The following IL1RAPL1 variants were observed in gnomAD, a reference collection of about 807,000 sequenced individuals.
IL1RAPL1 encodes the protein interleukin-1 receptor accessory protein-like 1.
In IL1RAPL1, 3 loss-of-function variants were observed where a neutral mutation model predicts 48.4. The observed-to-expected ratio is 0.06, with a 90% confidence interval of 0.03 to 0.16. The LOEUF (loss-of-function observed/expected upper bound fraction) is 0.16, where lower values mean the gene tolerates loss of function less well. Among genes scored for constraint, IL1RAPL1 ranks in the 10% least tolerant of loss-of-function variants. IL1RAPL1 has a pLI of 1.00. For missense variants in IL1RAPL1, 349 were observed against 530.6 expected, an observed-to-expected ratio of 0.66 and a Z score of 3.36; for synonymous variants, 185 against 187.7, an observed-to-expected ratio of 0.99 and a Z score of 0.12.
Position 29,921,747 on chromosome X carries a change from C to T in IL1RAPL1, c.1057+1653C>T, listed in dbSNP as rs149634899. Among the ~76,000 whole-genome samples, 182 of 111,798 alleles carry T rather than the reference C, an allele frequency of 1.6e-3. 1 individual carries two copies. The highest frequency in any genetic ancestry group is 5.5e-3 in the African/African-American group (171 of 30,821). On this transcript the variant is annotated intron_variant, in intron 8 of 10. Transcript: ENST00000378993. ...AAGTCCATTTTATCTTTGGAAAAAT[C>T]CGTTAGAAAGCATTTCACTTTCACT...
chrX:28,725,884 A>C (rs906638303), intron 1 of IL1RAPL1, among the ~76,000 whole-genome samples: 18 of 112,355 alleles, frequency 1.6e-4, no homozygotes, highest in Non-Finnish European at 2.3e-4. Flanking sequence ...AATCGAGACT[A>C]TTTATGCATT....
intron 8 of IL1RAPL1, among the ~76,000 whole-genome samples, chrX:29,938,830 C>G (rs1317418113): frequency 8.9e-6 from 1 of 112,240 alleles, no homozygotes; most frequent in African/African-American, 3.2e-5. Context: ...TAAATAGAAT[C>G]ATACAGTAGG....
chrX:29,907,332 A>ACTG (rs1569199898), intron 6 of IL1RAPL1, among the ~76,000 whole-genome samples: 14 of 111,359 alleles, frequency 1.3e-4, no homozygotes, highest in Non-Finnish European at 2.3e-4. Context: ...TTATAAATTT[A>ACTG]AATCTTTTAA....
At chrX:29,750,598 C>T (rs997175185) in intron 6 of IL1RAPL1, among the ~76,000 whole-genome samples, 2 of 111,791 alleles carry the variant, frequency 1.8e-5, no homozygotes, top group South Asian at 3.7e-4. Context: ...GTCAGTAGGT[C>T]TTTCCCTCCT....
At chrX:29,383,173 A>T (rs927060311) in intron 3 of IL1RAPL1, among the ~76,000 whole-genome samples, 6 of 112,061 alleles carry the variant, frequency 5.4e-5, no homozygotes, top group Non-Finnish European at 9.4e-5. Context: ...CAGGAATAAT[A>T]CCTATTGTGT....
Position 29,425,250 on chromosome X carries a change from T to G in IL1RAPL1, c.703+25942T>G, listed in dbSNP as rs141397717. Among the ~76,000 whole-genome samples the G allele has an allele frequency of 2.4e-3, 274 of 111,944 alleles. 1 individual carries two copies. The highest frequency in any genetic ancestry group is 8.5e-3 in the African/African-American group (261 of 30,833). On this transcript the variant is annotated intron_variant, in intron 5 of 10. Coordinates refer to ENST00000378993, the MANE Select transcript of IL1RAPL1 (RefSeq NM_014271.4). Reference sequence around the variant, plus strand: ...AGAAGCAGCTGGACATAGAAGAACTTAGAAAAACAGAAAGTCCAAGTTTGG... The same window carrying G: ...AGAAGCAGCTGGACATAGAAGAACTGAGAAAAACAGAAAGTCCAAGTTTGG...
chrX:28,790,678 T>C (rs1302671953), intron 2 of IL1RAPL1, among the ~76,000 whole-genome samples: 1 of 112,821 alleles, frequency 8.9e-6, no homozygotes, highest in Non-Finnish European at 1.9e-5. Context: ...TTGTTATGTC[T>C]ACACATTATT....
chrX:29,150,877 G>A (rs1187293522), intron 2 of IL1RAPL1, among the ~76,000 whole-genome samples: 3 of 103,676 alleles, frequency 2.9e-5, no homozygotes, highest in African/African-American at 1.1e-4. Flanking sequence ...AGCTGAGATC[G>A]TGCCACTGCA....
chrX:28,761,429 A>G (rs774546001), intron 1 of IL1RAPL1, among the ~76,000 whole-genome samples: 2 of 112,216 alleles, frequency 1.8e-5, no homozygotes, highest in South Asian at 3.7e-4. Context: ...GAATGAAATC[A>G]TTTCTTTACA....
rs1198210140 is a variant in IL1RAPL1 at position 29,917,489 on chromosome X, A to C, written c.804A>C (p.Arg268Ser). ...GTGACTCTGCTAATCTAACCTGCAG[A>C]GCTTTCTTTGGGTACAGCGGAGATG... ...QLGDSANLTC[R>S]AFFGYSGDVS... The change falls in exon 7 of 11, where the codon AGA (arginine) becomes AGC (serine). Residue 268 changes from arginine (R) to serine (S), a missense_variant. Arg to Ser is a moderately radical substitution (Grantham distance 110). Around this residue, in one of 3 missense-constraint regions of IL1RAPL1, gnomAD observed 238 missense variants for 337.8 expected, o/e 0.70. Coordinates refer to ENST00000378993, the MANE Select transcript of IL1RAPL1 (RefSeq NM_014271.4). 6 of 1,206,993 alleles carry C rather than the reference A, an allele frequency of 5.0e-6. No homozygotes were observed. The Admixed American group carries it at 1.3e-4, about 26-fold the overall frequency.
At chrX:29,414,399 C>G (rs1418503014) in intron 5 of IL1RAPL1, among the ~76,000 whole-genome samples, 1 of 111,773 alleles carries the variant, frequency 8.9e-6, no homozygotes, top group Admixed American at 9.6e-5. Context: ...AAATAAATGG[C>G]TGTTCTTAAT....
chrX:28,943,544 A>T (rs1317473045), intron 2 of IL1RAPL1, among the ~76,000 whole-genome samples: 6 of 104,708 alleles, frequency 5.7e-5, no homozygotes, highest in African/African-American at 1.4e-4. Context: ...GATACGTAAC[A>T]TTTTTTTTTT....
chrX:28,720,560 T>A (rs746545194), intron 1 of IL1RAPL1, among the ~76,000 whole-genome samples: 1 of 112,416 alleles, frequency 8.9e-6, no homozygotes, highest in South Asian at 3.7e-4. Context: ...AATTTCTGAT[T>A]TGAGATATTA....
intron 5 of IL1RAPL1, among the ~76,000 whole-genome samples, chrX:29,595,472 G>C (rs1240395917): frequency 9.0e-6 from 1 of 111,709 alleles, no homozygotes; most frequent in Non-Finnish European, 1.9e-5. Flanking sequence ...GTTTTGATTT[G>C]CATTTCCCTG....
At chrX:29,718,226 C>T (rs1266539558) in intron 6 of IL1RAPL1, among the ~76,000 whole-genome samples, 1 of 110,907 alleles carries the variant, frequency 9.0e-6, no homozygotes, top group African/African-American at 3.3e-5. Context: ...GGCGATAAAG[C>T]TACAGAATGT....
At chrX:29,490,166 G>A (rs146155624) in intron 5 of IL1RAPL1, among the ~76,000 whole-genome samples, 1,541 of 109,508 alleles carry the variant, frequency 0.014, 19 homozygotes, top group African/African-American at 0.049. Flanking sequence ...AAAAATTATT[G>A]AATAAATGCA....
At chrX:29,036,554 G>A (rs1384681622) in intron 2 of IL1RAPL1, among the ~76,000 whole-genome samples, 1 of 111,650 alleles carries the variant, frequency 9.0e-6, no homozygotes, top group Non-Finnish European at 1.9e-5. Flanking sequence ...ATATTGTCAA[G>A]GTTGGGAAGT....
chrX:29,826,532 C>T (rs1472815219), intron 6 of IL1RAPL1, among the ~76,000 whole-genome samples: 1 of 111,580 alleles, frequency 9.0e-6, no homozygotes, highest in Admixed American at 9.5e-5. Flanking sequence ...TTTGTGGTCA[C>T]TTCCTATTCT....
chrX:29,378,194 T>G (rs1160658345), intron 3 of IL1RAPL1, among the ~76,000 whole-genome samples: 1 of 111,682 alleles, frequency 9.0e-6, no homozygotes, highest in Non-Finnish European at 1.9e-5. Flanking sequence ...TATAAAATTC[T>G]TCTAGTAATT....
Sources: allele counts gnomAD v4.1 joint callset (sites outside exome capture counted in the v4.1 genomes callset), GRCh38; gene constraint gnomAD v4.1.1; regional missense constraint gnomAD v4.1.1; transcripts MANE v1.5; gene names NCBI Gene and HGNC (gene_info 2026-07-23, HGNC 2026-07-21).